SLC35D4: variants seen among roughly 807,000 people sequenced by gnomAD.
SLC35D4 encodes solute carrier family 35 member D4.
chr18:23,409,130 C>A, the SLC35D4 span, among the ~76,000 whole-genome samples: 2 of 150,806 alleles, frequency 1.3e-5, no homozygotes, highest in Non-Finnish European at 3.0e-5. Context: ...AGTGAAACTC[C>A]ATCTCAAAAA....
the SLC35D4 span, among the ~76,000 whole-genome samples, chr18:23,381,408 T>C: frequency 6.6e-6 from 1 of 152,194 alleles, no homozygotes; most frequent in South Asian, 2.1e-4. Flanking sequence ...GGCACAATCA[T>C]GGCTCACTGC....
chr18:23,279,349 A>G, the SLC35D4 span, among the ~76,000 whole-genome samples: 1 of 152,240 alleles, frequency 6.6e-6, no homozygotes, highest in Non-Finnish European at 1.5e-5. Flanking sequence ...TTGTTCATAT[A>G]AACAGCATGG....
At chr18:23,288,879 T>C in the SLC35D4 span, among the ~76,000 whole-genome samples, 1 of 152,288 alleles carries the variant, frequency 6.6e-6, no homozygotes, top group East Asian at 1.9e-4. Flanking sequence ...TAATGGTCTT[T>C]TAAAAACACA....
chr18:23,314,412 G>T, the SLC35D4 span, among the ~76,000 whole-genome samples: 1 of 152,194 alleles, frequency 6.6e-6, no homozygotes, highest in South Asian at 2.1e-4. Context: ...TTCCAGGGCT[G>T]AGAGTCATGC....
At chr18:23,243,468 G>GTTT in the SLC35D4 span, among the ~76,000 whole-genome samples, 656 of 101,806 alleles carry the variant, frequency 6.4e-3, 4 homozygotes, top group African/African-American at 0.022. Context: ...TGGGTTTGGT[G>GTTT]TTTTTTTTTT....
At chr18:23,348,425 A>T in the SLC35D4 span, among the ~76,000 whole-genome samples, 1 of 152,226 alleles carries the variant, frequency 6.6e-6, no homozygotes, top group South Asian at 2.1e-4. Context: ...TCAACTGCTG[A>T]GAGTGCAGTA....
the SLC35D4 span, among the ~76,000 whole-genome samples, chr18:23,336,974 G>C: frequency 6.6e-6 from 1 of 151,854 alleles, no homozygotes; most frequent in Non-Finnish European, 1.5e-5. Flanking sequence ...GATGGGCTTT[G>C]TAAACATACT....
chr18:23,410,339 C>T, the SLC35D4 span, among the ~76,000 whole-genome samples: 22 of 151,588 alleles, frequency 1.5e-4, no homozygotes, highest in Admixed American at 4.6e-4. Context: ...TATCCGGGTG[C>T]GGTGGTGGGC....
chr18:23,279,010 C>A, the SLC35D4 span, among the ~76,000 whole-genome samples: 1 of 131,824 alleles, frequency 7.6e-6, no homozygotes, highest in African/African-American at 3.3e-5. Flanking sequence ...AAGACCCCAT[C>A]TCAAAAAAAA....
the SLC35D4 span, among the ~76,000 whole-genome samples, chr18:23,311,054 T>G: frequency 6.6e-6 from 1 of 151,604 alleles, no homozygotes; most frequent in East Asian, 1.9e-4. Flanking sequence ...TCATATTGAA[T>G]GACAACTTTT....
At chr18:23,383,658 ATTTTCCCGTGCGAGGGATGGT>A in the SLC35D4 span, among the ~76,000 whole-genome samples, 2 of 151,788 alleles carry the variant, frequency 1.3e-5, no homozygotes, top group Non-Finnish European at 2.9e-5. Context: ...GCAGCTTGAG[ATTTTCCCGTGCGAGGGATGGT>A]TTTGTAAACA....
the SLC35D4 span, chr18:23,430,692 C>A: frequency 2.7e-5 from 44 of 1,607,994 alleles, no homozygotes; most frequent in Non-Finnish European, 3.7e-5. Flanking sequence ...AAAACAAACA[C>A]CAAATTACTG....
chr18:23,341,629 C>T, the SLC35D4 span, among the ~76,000 whole-genome samples: 34 of 152,102 alleles, frequency 2.2e-4, no homozygotes, highest in Non-Finnish European at 1.9e-4. Flanking sequence ...TTGCTAAGTA[C>T]GATTTTGTCG....
the SLC35D4 span, among the ~76,000 whole-genome samples, chr18:23,308,876 C>CTCTG: frequency 0.03 from 4,200 of 139,970 alleles, 154 homozygotes; most frequent in African/African-American, 0.092. Flanking sequence ...CTCTCTCTCT[C>CTCTG]TGTGTGTGTG....
At chr18:23,339,401 ATAAT>A in the SLC35D4 span, among the ~76,000 whole-genome samples, 2 of 152,238 alleles carry the variant, frequency 1.3e-5, no homozygotes, top group Non-Finnish European at 2.9e-5. Context: ...GTAGGCACTG[ATAAT>A]TAATAATATA....
the SLC35D4 span, among the ~76,000 whole-genome samples, chr18:23,298,223 C>T: frequency 1.4e-4 from 22 of 152,214 alleles, no homozygotes; most frequent in Non-Finnish European, 2.8e-4. Context: ...GCCCAGGAAT[C>T]GCTCCTATCC....
the SLC35D4 span, among the ~76,000 whole-genome samples, chr18:23,273,024 G>C: frequency 6.6e-6 from 1 of 152,198 alleles, no homozygotes; most frequent in Admixed American, 6.5e-5. Flanking sequence ...CATGACACCG[G>C]TGAGCCGCAA....
chr18:23,253,970 A>C, the SLC35D4 span: 1 of 1,581,194 alleles, frequency 6.3e-7, no homozygotes, highest in Non-Finnish European at 8.7e-7. Flanking sequence ...CTGGAGGAGC[A>C]CATGCTCCGG....
chr18:23,340,911 T>C, the SLC35D4 span, among the ~76,000 whole-genome samples: 6 of 152,174 alleles, frequency 3.9e-5, no homozygotes, highest in African/African-American at 1.4e-4. Flanking sequence ...CTCAAGTCAG[T>C]CTGAAGTTAA....
Sources: gnomAD v4.1 joint callset for allele counts (sites outside exome capture counted in the v4.1 genomes callset) on GRCh38, gnomAD v4.1.1 for gene constraint, MANE v1.5 for transcripts, NCBI Gene and HGNC (gene_info 2026-07-23, HGNC 2026-07-21) for gene names.